GRM8: variants seen among roughly 807,000 people sequenced by gnomAD.
GRM8 encodes the protein glutamate metabotropic receptor 8.
Under a neutral mutation model 87.2 loss-of-function variants are expected in GRM8, and 47 were observed. The observed-to-expected ratio is 0.54, with a 90% confidence interval of 0.43 to 0.69. GRM8 has a LOEUF of 0.69. Among genes scored for constraint, GRM8 ranks in the 30% least tolerant of loss-of-function variants. GRM8 has a pLI of 0.00. For synonymous variants in GRM8, 396 were observed against 404.5 expected (o/e 0.98, Z 0.25); for missense variants, 1,019 against 1,139.2 (o/e 0.89, Z 1.52).
intron 7 of GRM8, among the ~76,000 whole-genome samples, chr7:126,714,305 T>TAAG (rs1172395084): frequency 6.8e-6 from 1 of 147,232 alleles, no homozygotes; most frequent in Non-Finnish European, 1.5e-5. Flanking sequence ...ATAATAATAA[T>TAAG]AATAATAATA....
chr7:126,755,748 CTTCT>C (rs67807268), intron 7 of GRM8, among the ~76,000 whole-genome samples: 58,163 of 151,326 alleles, frequency 0.38, 12,415 homozygotes, highest in Non-Finnish European at 0.48. Context: ...GTATGATTTT[CTTCT>C]TTCTCCTCAG....
intron 3 of GRM8, among the ~76,000 whole-genome samples, chr7:126,929,963 G>A (rs187883589): frequency 2.0e-3 from 305 of 151,436 alleles, no homozygotes; most frequent in African/African-American, 6.9e-3. Flanking sequence ...ATTGGTCTTT[G>A]CAATTTATAC....
chr7:126,782,319 T>C (rs1820164317), intron 6 of GRM8, among the ~76,000 whole-genome samples: 2 of 152,198 alleles, frequency 1.3e-5, no homozygotes, highest in African/African-American at 4.8e-5. Flanking sequence ...GTGATTTTTT[T>C]CCAGGTCTGA....
At chr7:126,788,420 A>AAAAAAAAAAAACAAAAAAAAAAAAAAC in intron 6 of GRM8, among the ~76,000 whole-genome samples, 8 of 81,138 alleles carry the variant, frequency 9.9e-5, no homozygotes, top group African/African-American at 3.7e-4. Context: ...AAAAAAAAAA[A>AAAAAAAAAAAACAAAAAAAAAAAAAAC]AAACCCTTTC....
intron 6 of GRM8, among the ~76,000 whole-genome samples, chr7:126,806,235 C>T (rs771611356): frequency 1.1e-4 from 17 of 152,196 alleles, no homozygotes; most frequent in African/African-American, 3.6e-4. Context: ...CAGACCTTCC[C>T]GGTGAGTGCT....
chr7:126,944,224 T>G (rs1283195460), intron 3 of GRM8, among the ~76,000 whole-genome samples: 1 of 152,162 alleles, frequency 6.6e-6, no homozygotes, highest in African/African-American at 2.4e-5. Context: ...AAAATAAATC[T>G]TATAATGTGA....
intron 7 of GRM8, among the ~76,000 whole-genome samples, chr7:126,621,621 G>A (rs1398069420): frequency 3.3e-5 from 5 of 151,924 alleles, no homozygotes; most frequent in African/African-American, 1.2e-4. Flanking sequence ...GTTTCACCAT[G>A]TTGGCAAGGC....
At chr7:127,190,853 G>T (rs1415657355) in intron 2 of GRM8, among the ~76,000 whole-genome samples, 1 of 151,858 alleles carries the variant, frequency 6.6e-6, no homozygotes. Flanking sequence ...TTAGCTTGAG[G>T]TAAAAAAAAT....
chr7:127,108,945 A>C (rs1265046032), intron 2 of GRM8, among the ~76,000 whole-genome samples: 1 of 152,184 alleles, frequency 6.6e-6, no homozygotes, highest in Non-Finnish European at 1.5e-5. Context: ...ATAGTATTTC[A>C]AGACAAGTTT....
At chr7:126,543,046 T>C (rs942593942) in intron 8 of GRM8, among the ~76,000 whole-genome samples, 1 of 152,168 alleles carries the variant, frequency 6.6e-6, no homozygotes. Flanking sequence ...TTCCACTGCA[T>C]ACATAAATCC....
Position 126,445,992 on chromosome 7 carries a change from T to C in GRM8, c.2677+134A>G. 4.0e-6 allele frequency: 4 copies of C among 997,854 alleles called. No individual in the cohort carries two copies. The South Asian group carries it at 5.7e-5, about 14-fold the overall frequency. 61.8% of individuals were successfully genotyped at this position (997,854 alleles called of 1,614,324 possible). A position where few individuals can be genotyped will look rare whatever the true frequency, so the allele number is the denominator to read the frequency against. On this transcript the variant is annotated intron_variant, in intron 10 of 10. Coordinates refer to ENST00000339582, the MANE Select transcript of GRM8 (RefSeq NM_000845.3). The stretch of plus-strand genomic sequence containing the variant: ...TCGAATGGTTTTAAATGTGATGGTG[T>C]CACGGTATGTGAGTACCATCATGCC...
At chr7:126,813,127 A>G (rs767596635) in intron 6 of GRM8, among the ~76,000 whole-genome samples, 7 of 152,066 alleles carry the variant, frequency 4.6e-5, no homozygotes, top group Non-Finnish European at 7.4e-5. Flanking sequence ...AGGTTTACCT[A>G]TATAACCTAC....
At chr7:126,502,632 T>A (rs1349386763) in intron 9 of GRM8, among the ~76,000 whole-genome samples, 1 of 152,094 alleles carries the variant, frequency 6.6e-6, no homozygotes, top group South Asian at 2.1e-4. Context: ...AATTATATAG[T>A]ACAAACTAGA....
At chr7:127,116,106 A>G (rs1008719653) in intron 2 of GRM8, among the ~76,000 whole-genome samples, 3 of 152,234 alleles carry the variant, frequency 2.0e-5, no homozygotes, top group Non-Finnish European at 4.4e-5. Flanking sequence ...ACAGAGAAAG[A>G]CACTGCCACT....
At chr7:127,119,438 A>G (rs755070700) in intron 2 of GRM8, among the ~76,000 whole-genome samples, 1 of 152,052 alleles carries the variant, frequency 6.6e-6, no homozygotes, top group Non-Finnish European at 1.5e-5. Context: ...GTGAGCCAAG[A>G]TTGTGCCATT....
chr7:126,669,178 G>A (rs1806117809), intron 7 of GRM8, among the ~76,000 whole-genome samples: 1 of 152,092 alleles, frequency 6.6e-6, no homozygotes, highest in Admixed American at 6.5e-5. Flanking sequence ...GGAGTCAGGG[G>A]CAAAAGGAAG....
chr7:126,622,492 C>T (rs960292681), intron 7 of GRM8, among the ~76,000 whole-genome samples: 1 of 152,042 alleles, frequency 6.6e-6, no homozygotes, highest in Non-Finnish European at 1.5e-5. Flanking sequence ...ATCATTCCAC[C>T]ACAAAATCTA....
chr7:126,756,202 C>G (rs10215496), intron 7 of GRM8, among the ~76,000 whole-genome samples: 59,312 of 151,606 alleles, frequency 0.39, 12,786 homozygotes, highest in Non-Finnish European at 0.48. Context: ...CTGGACAACC[C>G]CATGCAAAAA....
At chr7:126,532,766 T>G (rs1490917523) in intron 9 of GRM8, among the ~76,000 whole-genome samples, 186 bp downstream of exon 9, 32 of 2,824 alleles carry the variant, frequency 0.011, no homozygotes, top group Admixed American at 0.024. Flanking sequence ...CGGATGGAGA[T>G]ATATATATAT....
Sources: allele counts gnomAD v4.1 joint callset (sites outside exome capture counted in the v4.1 genomes callset), GRCh38; gene constraint gnomAD v4.1.1; transcripts MANE v1.5; gene names NCBI Gene and HGNC (gene_info 2026-07-23, HGNC 2026-07-21).